MRPS27: variants seen among roughly 807,000 people sequenced by gnomAD.
The protein encoded by MRPS27 is small ribosomal subunit protein mS27.
MRPS27 carries 43 observed loss-of-function variants against 48.9 expected under a neutral mutation model. The observed-to-expected ratio is 0.88, with a 90% CI of 0.69 to 1.13. MRPS27 has a LOEUF of 1.13. MRPS27 is among the 50% of genes most tolerant of loss of function. The pLI is 0.00. For missense variants in MRPS27, 467 were observed against 476.3 expected, an observed-to-expected ratio of 0.98 and a Z score of 0.18; for synonymous variants, 188 against 171.9, an observed-to-expected ratio of 1.09 and a Z score of -0.73.
At chr5:72,231,126 C>T (rs560276774) in intron 7 of MRPS27, among the ~76,000 whole-genome samples, 2 of 152,204 alleles carry the variant, frequency 1.3e-5, no homozygotes, top group South Asian at 2.1e-4. Context: ...GTTTTTAGAA[C>T]GAACACAAAA....
intron 5 of MRPS27, among the ~76,000 whole-genome samples, chr5:72,234,456 A>T (rs997555902): frequency 1.3e-5 from 2 of 151,958 alleles, no homozygotes; most frequent in African/African-American, 4.8e-5. Context: ...TCCAATTCTA[A>T]CACCTCATCA....
intron 4 of MRPS27, among the ~76,000 whole-genome samples, chr5:72,271,895 T>A (rs73127264): frequency 0.011 from 1,659 of 152,240 alleles, 29 homozygotes; most frequent in African/African-American, 0.038. Flanking sequence ...CTCATAAAAA[T>A]TATATATAGG....
intron 4 of MRPS27, among the ~76,000 whole-genome samples, chr5:72,286,601 G>A (rs1412221353): frequency 6.6e-6 from 1 of 152,020 alleles, no homozygotes; most frequent in East Asian, 1.9e-4. Context: ...TCATAAATCT[G>A]TAGGGAAAGA....
chr5:72,281,032 C>T (rs1749520423), intron 4 of MRPS27, among the ~76,000 whole-genome samples: 1 of 152,244 alleles, frequency 6.6e-6, no homozygotes, highest in Non-Finnish European at 1.5e-5. Context: ...ATCTACTTCT[C>T]CACATTCCTG....
At chr5:72,299,854 C>T (rs1019252495) in intron 2 of MRPS27, among the ~76,000 whole-genome samples, 8 of 152,220 alleles carry the variant, frequency 5.3e-5, no homozygotes, top group African/African-American at 1.9e-4. Flanking sequence ...TGTCTCATTT[C>T]ACTGAGAAAA....
intron 4 of MRPS27, among the ~76,000 whole-genome samples, chr5:72,264,230 G>A (rs747532635): frequency 7.9e-5 from 12 of 152,124 alleles, no homozygotes; most frequent in Admixed American, 2.0e-4. Context: ...GCCAGCAGCC[G>A]GAGAAGCAGG....
chr5:72,297,566 T>A, intron 3 of MRPS27, 66 bp downstream of exon 3: 1 of 990,322 alleles, frequency 1.0e-6, no homozygotes. Flanking sequence ...CAGCCTCATC[T>A]ACATGAAGGG....
rs1198322548 is a variant in MRPS27, at chr5:72,223,832, C to T, written c.856G>A (p.Val286Met). The change falls in exon 10 of 11, where the codon GTG (valine) becomes ATG (methionine). Residue 286 changes from valine (V) to methionine (M), a missense_variant. Val to Met is a conservative substitution (Grantham distance 21, BLOSUM62 1). Transcript: ENST00000261413. ...CREALDVLGA[V>M]LKALTSADGA... ...TCAGCTGAAGTCAGAGCCTTCAGCA[C>T]TGCACCCAGCACATCGAGCTGTGGA... 1 of 1,613,920 alleles carries T rather than the reference C, an allele frequency of 6.2e-7. No individual in the cohort carries two copies. Among genetic ancestry groups the T allele is most frequent in the East Asian group, 2.2e-5 (1 of 44,858 alleles).
intron 2 of MRPS27, among the ~76,000 whole-genome samples, chr5:72,307,078 G>A (rs1242495828): frequency 6.6e-6 from 1 of 152,118 alleles, no homozygotes; most frequent in Non-Finnish European, 1.5e-5. Context: ...CCTGAGCCAG[G>A]AGCGGTGGCT....
chr5:72,241,669 T>C (rs1463579727), intron 4 of MRPS27: 6 of 1,535,438 alleles, frequency 3.9e-6, no homozygotes, highest in Non-Finnish European at 5.2e-6. Flanking sequence ...TGTGGATTGC[T>C]GGATGAGCAT....
At chr5:72,295,926 CCT>C (rs1387063747) in intron 3 of MRPS27, among the ~76,000 whole-genome samples, 2 of 152,074 alleles carry the variant, frequency 1.3e-5, no homozygotes, top group African/African-American at 4.8e-5. Context: ...ATCTTTAAAC[CCT>C]GATATTATTT....
chr5:72,288,317 C>T (rs1749728446), intron 4 of MRPS27, among the ~76,000 whole-genome samples: 1 of 151,934 alleles, frequency 6.6e-6, no homozygotes, highest in African/African-American at 2.4e-5. Flanking sequence ...ATGCCGTTCT[C>T]CCGCCTTAGC....
intron 4 of MRPS27, among the ~76,000 whole-genome samples, chr5:72,283,820 T>C (rs1257871839): frequency 6.6e-6 from 1 of 152,104 alleles, no homozygotes. Context: ...CAAGCCACTT[T>C]CCCACTGAGG....
chr5:72,285,477 G>T (rs12186599), intron 4 of MRPS27, among the ~76,000 whole-genome samples: 1 of 151,996 alleles, frequency 6.6e-6, no homozygotes, highest in African/African-American at 2.4e-5. Flanking sequence ...ATTGTTTCAC[G>T]TATCTAATGA....
At chr5:72,279,087 ATAATTT>A (rs1169165591) in intron 4 of MRPS27, among the ~76,000 whole-genome samples, 6 of 152,234 alleles carry the variant, frequency 3.9e-5, no homozygotes, top group African/African-American at 1.4e-4. Context: ...AGGTGACTAT[ATAATTT>A]TAAACTCCCA....
At chr5:72,280,922 C>T (rs901002047) in intron 4 of MRPS27, among the ~76,000 whole-genome samples, 2 of 152,196 alleles carry the variant, frequency 1.3e-5, no homozygotes, top group South Asian at 2.1e-4. Flanking sequence ...TACGGGTACA[C>T]GTATGACAGA....
At chr5:72,286,435 G>C (rs1160011707) in intron 4 of MRPS27, among the ~76,000 whole-genome samples, 5 of 152,132 alleles carry the variant, frequency 3.3e-5, no homozygotes, top group Non-Finnish European at 7.4e-5. Context: ...TCCAGAAATA[G>C]ACTCACACAA....
intron 8 of MRPS27, chr5:72,227,144 C>G: frequency 6.6e-6 from 1 of 152,382 alleles, no homozygotes; most frequent in Non-Finnish European, 1.5e-5. Flanking sequence ...ACAATGAGAG[C>G]AAAGAGCTTC....
chr5:72,251,231 T>C (rs1748656857), intron 4 of MRPS27, among the ~76,000 whole-genome samples: 2 of 152,078 alleles, frequency 1.3e-5, no homozygotes, highest in African/African-American at 4.8e-5. Flanking sequence ...AAGAACTGGG[T>C]CAGTAAGAGG....
Sources: allele counts gnomAD v4.1 joint callset (sites outside exome capture counted in the v4.1 genomes callset), GRCh38; gene constraint gnomAD v4.1.1; transcripts MANE v1.5; gene names NCBI Gene and HGNC (gene_info 2026-07-23, HGNC 2026-07-21).